The following HAUS5 variants were observed in gnomAD, a reference collection of about 807,000 sequenced individuals.
The protein encoded by HAUS5 is HAUS augmin-like complex subunit 5.
In HAUS5, 67 loss-of-function variants were observed where a neutral mutation model predicts 94.1. The ratio of observed to expected loss-of-function variants is 0.71; its 90% confidence interval spans 0.58 to 0.87. HAUS5 has a LOEUF of 0.87. Ranked by LOEUF, HAUS5 falls within the 40% of genes least tolerant of loss-of-function variation. The pLI, the probability that HAUS5 is intolerant of heterozygous loss-of-function variation, is 0.00. For synonymous variants in HAUS5, 339 were observed against 355.4 expected (o/e 0.95, Z 0.52); for missense variants, 739 against 825.6 (o/e 0.90, Z 1.29).
Position 35,618,389 on chromosome 19 carries a change from T to TG in HAUS5, c.822-13_822-12insG. 8 of 1,602,548 alleles carry TG rather than the reference T, an allele frequency of 5.0e-6. No homozygotes were observed. Among genetic ancestry groups the TG allele is most frequent in the Non-Finnish European group, 6.8e-6 (8 of 1,171,856 alleles). On this transcript the variant is annotated splice_polypyrimidine_tract_variant and intron_variant, in intron 10 of 18. Coordinates refer to ENST00000203166, the MANE Select transcript of HAUS5 (RefSeq NM_015302.2). ...GCAGCACGGCTCCCTCAGCAGCTCT[T>TG]CCCCCACCCCAGACCCCAGGCCCCG...
chr19:35,619,601 C>CAA lies in HAUS5; in HGVS notation c.1261-12_1261-11insAA. ...GTTGTGATGCCCCACCCACCCCTCCCCTTCCCCACAGGTGCTAGCTCTGGT... is the reference window on the plus strand; with the variant it reads ...GTTGTGATGCCCCACCCACCCCTCCCAACTTCCCCACAGGTGCTAGCTCTGGT... On this transcript the variant is annotated splice_polypyrimidine_tract_variant and intron_variant, in intron 14 of 18. Coordinates refer to ENST00000203166, the MANE Select transcript of HAUS5 (RefSeq NM_015302.2). The CAA allele has an allele frequency of 1.3e-6, 2 of 1,580,592 alleles. No homozygotes were observed. Among genetic ancestry groups the CAA allele is most frequent in the Non-Finnish European group, 1.7e-6 (2 of 1,160,930 alleles).
At chr19:35,622,284 A>G (rs759187067) in intron 17 of HAUS5, among the ~76,000 whole-genome samples, 1 of 151,736 alleles carries the variant, frequency 6.6e-6, no homozygotes, top group African/African-American at 2.4e-5. Context: ...AACGCTCAGG[A>G]GACTGAGCGG....
chr19:35,618,596 G>C lies in HAUS5; in HGVS notation c.913G>C (p.Val305Leu). The C allele has an allele frequency of 6.2e-7, 1 of 1,605,522 alleles. No individual in the cohort carries two copies. ...QEGWRTVGVL[V>L]SQRSTLLKER... ...GGGCTGGCGGACTGTGGGTGTGCTG[G>C]TCTCCCAGCGGAGCACCCTCCTGAA... is the stretch of plus-strand genomic sequence containing the variant. Residue 305 changes from valine to leucine, a missense_variant, in exon 12 of 19, where the codon GTC (valine) becomes CTC (leucine). Physicochemically the swap from Val to Leu is conservative, Grantham distance 32 (BLOSUM62 1). Coordinates refer to ENST00000203166, the MANE Select transcript of HAUS5 (RefSeq NM_015302.2).
At chr19:35,614,570 C>T (rs763563671) in intron 4 of HAUS5, among the ~76,000 whole-genome samples, 2 of 151,930 alleles carry the variant, frequency 1.3e-5, no homozygotes, top group African/African-American at 4.8e-5. Flanking sequence ...GGCAATAGAG[C>T]GAGACTCTAT....
At chr19:35,619,097 G>A in intron 13 of HAUS5, 48 bp downstream of exon 13, 1 of 1,500,144 alleles carries the variant, frequency 6.7e-7, no homozygotes, top group East Asian at 2.3e-5. Context: ...GGGGAGGCTT[G>A]AAAACTATGG....
At chr19:35,616,865 A>T (rs2071947858) in intron 6 of HAUS5, among the ~76,000 whole-genome samples, 1 of 152,148 alleles carries the variant, frequency 6.6e-6, no homozygotes, top group Non-Finnish European at 1.5e-5. Flanking sequence ...TTTTGGACAG[A>T]TCTGAGCAGG....
chr19:35,622,038 C>T (rs556299236), intron 17 of HAUS5, among the ~76,000 whole-genome samples: 1 of 152,228 alleles, frequency 6.6e-6, no homozygotes, highest in South Asian at 2.1e-4. Context: ...GGAGGGGCCT[C>T]CAGGAGGAAA....
In HAUS5 at chr19:35,614,030, C is replaced by G. The variant is rs751536803; in HGVS notation, c.195-5C>G. 1 of 1,613,976 alleles carries G rather than the reference C, an allele frequency of 6.2e-7. No homozygotes were observed. Among genetic ancestry groups the G allele is most frequent in the South Asian group, 1.1e-5 (1 of 91,074 alleles). ...CATCCGCTGACTCTGGCCTCGTTTT[C>G]CTAGGTATGGCCACCAGGACAGTCC... On this transcript the variant is annotated splice_polypyrimidine_tract_variant and splice_region_variant and intron_variant, in intron 3 of 18. Transcript: ENST00000203166.
At position 35,618,903 on chromosome 19, in the gene HAUS5, G is replaced by A; in HGVS notation, c.1033G>A (p.Gly345Arg). 6.2e-7 allele frequency: 1 copy of A among 1,608,114 alleles called. No individual in the cohort carries two copies. Among genetic ancestry groups the A allele is most frequent in the Non-Finnish European group, 8.5e-7 (1 of 1,177,372 alleles). Reference protein sequence around the residue: ...GSSERQVLILGLRRCCLWTEL... With the variant: ...GSSERQVLILRLRRCCLWTEL... ...GCCCTGCAGGCAGGTGCTGATACTG[G>A]GGCTTCGGCGCTGTTGCCTGTGGAC... The change falls in exon 13 of 19, where the codon GGG (glycine) becomes AGG (arginine). Residue 345 changes from glycine (G) to arginine (R), a missense_variant. Coordinates refer to ENST00000203166, the MANE Select transcript of HAUS5 (RefSeq NM_015302.2).
At position 35,625,294 on chromosome 19, in the gene HAUS5, G is replaced by A. The variant is rs1036864538; in HGVS notation, c.*2301G>A. The A allele has an allele frequency of 9.2e-5, 14 of 152,120 alleles. No individual in the cohort carries two copies. The highest frequency in any genetic ancestry group is 3.4e-4 in the African/African-American group (14 of 41,418). 9.4% of individuals were successfully genotyped at this position (152,120 alleles called of 1,614,324 possible). A position where few individuals can be genotyped will look rare whatever the true frequency, so the allele number is the denominator to read the frequency against. ...AAATATAAACTCAAGTAAACACCCTGTAGTCTTTCACATGAATTGGAAATA... is the reference window on the plus strand; with the variant it reads ...AAATATAAACTCAAGTAAACACCCTATAGTCTTTCACATGAATTGGAAATA... On this transcript the variant is annotated 3_prime_UTR_variant, in exon 19 of 19. Coordinates refer to ENST00000203166, the MANE Select transcript of HAUS5 (RefSeq NM_015302.2).
At chr19:35,621,077 G>A (rs1006026013) in intron 17 of HAUS5, among the ~76,000 whole-genome samples, 1 of 152,210 alleles carries the variant, frequency 6.6e-6, no homozygotes, top group African/African-American at 2.4e-5. Flanking sequence ...CACCCCAGGG[G>A]TTTCCCCAGA....
rs371837683 is a variant in HAUS5 at position 35,619,741 on chromosome 19, G to A, written c.1389G>A (p.Leu463=). 4.9e-5 allele frequency: 76 copies of A among 1,558,236 alleles called. 1 individual carries two copies. The highest frequency in any genetic ancestry group is 6.6e-5 in the Non-Finnish European group (76 of 1,151,638). Residue 463 remains leucine, a synonymous_variant, in exon 15 of 19, where the codon CTG becomes CTA. Coordinates refer to ENST00000203166, the MANE Select transcript of HAUS5 (RefSeq NM_015302.2). Reference sequence around the variant, plus strand: ...CCCACATTCTGTTGGGCACGCTGCTGCGGCACAGGCCGGGAGAGTGAGACT... The same window carrying A: ...CCCACATTCTGTTGGGCACGCTGCTACGGCACAGGCCGGGAGAGTGAGACT... ...HLPHILLGTL[L]RHRPGELKPL... is the part of the protein sequence containing the mutation.
At chr19:35,618,760 T>C (rs917695792) in intron 12 of HAUS5, 61 bp downstream of exon 12, 1 of 1,535,948 alleles carries the variant, frequency 6.5e-7, no homozygotes, top group East Asian at 2.3e-5. Flanking sequence ...CTCAGCCCAT[T>C]GGACTTTTTC....
In HAUS5 at chr19:35,619,062, G is replaced by A. The variant is rs1174268630; in HGVS notation, c.1179+13G>A. 1.3e-6 allele frequency: 2 copies of A among 1,564,444 alleles called. No homozygotes were observed. Among genetic ancestry groups the A allele is most frequent in the East Asian group, 2.3e-5 (1 of 44,302 alleles). On this transcript the variant is annotated intron_variant, in intron 13 of 18. Transcript: ENST00000203166. ...GCGCCAGCTGGTGGTGAGAGGCTAG[G>A]CCCAGGGCCTTGTGGAGGGCCAGAG...
In HAUS5 at chr19:35,617,116, C is replaced by A; in HGVS notation, c.486-8C>A. On this transcript the variant is annotated splice_polypyrimidine_tract_variant and splice_region_variant and intron_variant, in intron 6 of 18. Coordinates refer to ENST00000203166, the MANE Select transcript of HAUS5 (RefSeq NM_015302.2). ...GGACCCCAGCCCCAGCTGCACTTCT[C>A]CCTCCAGGAAAGCCAAAGTAGATGT... 1 of 1,611,892 alleles carries A rather than the reference C, an allele frequency of 6.2e-7. No homozygotes were observed. Among genetic ancestry groups the A allele is most frequent in the South Asian group, 1.1e-5 (1 of 91,022 alleles).
chr19:35,622,790 G>T, intron 18 of HAUS5, 57 bp downstream of exon 18: 1 of 1,610,484 alleles, frequency 6.2e-7, no homozygotes, highest in Non-Finnish European at 8.5e-7. Context: ...CAAGCTGGGG[G>T]CCTGATGAGA....
In HAUS5 at chr19:35,613,748, G is replaced by A. The variant is rs1264055211; in HGVS notation, c.117G>A (p.Gly39=). ...CCCACAGGCTGTGTCTGGGCCAGGG[G>A]GCTGACATCTGGGCCTACATCTTGC... The part of the protein sequence containing the change: ...STLRRLCLGQ[G]ADIWAYILQH... The change falls in exon 2 of 19, where the codon GGG becomes GGA. Residue 39 remains glycine, a synonymous_variant. Coordinates refer to ENST00000203166, the MANE Select transcript of HAUS5 (RefSeq NM_015302.2). 5 of 1,614,136 alleles carry A rather than the reference G, an allele frequency of 3.1e-6. No homozygotes were observed. The Admixed American group carries it at 6.7e-5, about 22-fold the overall frequency.
chr19:35,618,863 T>C, intron 12 of HAUS5, 24 bp from the exon 13 acceptor site: 1 of 1,584,226 alleles, frequency 6.3e-7, no homozygotes, highest in Non-Finnish European at 8.6e-7. Context: ...TTCTCTCCTT[T>C]GCTCTCCTCC....
chr19:35,613,570 T>TAA (rs34133946), intron 1 of HAUS5, 160 bp from the exon 2 acceptor site: 33,277 of 487,746 alleles, frequency 0.068, 1,242 homozygotes, highest in East Asian at 0.13. Flanking sequence ...GACTGTCTCT[T>TAA]AAAAAAAAAA....
Sources: gnomAD v4.1 joint callset for allele counts (sites outside exome capture counted in the v4.1 genomes callset) on GRCh38, gnomAD v4.1.1 for gene constraint, MANE v1.5 for transcripts, NCBI Gene and HGNC (gene_info 2026-07-23, HGNC 2026-07-21) for gene names.